NR5A2: variants seen among roughly 807,000 people sequenced by gnomAD.
NR5A2 encodes nuclear receptor subfamily 5 group A member 2.
Under a neutral mutation model 62.7 loss-of-function variants are expected in NR5A2, and 26 were observed. The ratio of observed to expected loss-of-function variants is 0.41; its 90% CI spans 0.30 to 0.58. The LOEUF is 0.58. Among genes scored for constraint, NR5A2 ranks in the 20% least tolerant of loss-of-function variants. The pLI, the probability that NR5A2 is intolerant of heterozygous loss-of-function variation, is 0.22. For synonymous variants in NR5A2, 246 were observed against 241.7 expected (o/e 1.02, Z -0.16); for missense variants, 541 against 669.1 (o/e 0.81, Z 2.11).
chr1:200,055,915 T>G (rs1404317299), intron 5 of NR5A2, among the ~76,000 whole-genome samples: 1 of 152,048 alleles, frequency 6.6e-6, no homozygotes, highest in Non-Finnish European at 1.5e-5. Context: ...ATAAAACTGG[T>G]TTTTCTTCCG....
At chr1:200,131,595 C>T (rs189005901) in intron 7 of NR5A2, among the ~76,000 whole-genome samples, 1 of 152,328 alleles carries the variant, frequency 6.6e-6, no homozygotes, top group Admixed American at 6.5e-5. Flanking sequence ...ATGTTTCTCG[C>T]TGCTTTAGCT....
At chr1:200,145,971 C>T (rs1416696148) in intron 7 of NR5A2, among the ~76,000 whole-genome samples, 1 of 152,074 alleles carries the variant, frequency 6.6e-6, no homozygotes, top group Non-Finnish European at 1.5e-5. Flanking sequence ...AGATTCATTA[C>T]CAAATACAAT....
chr1:200,072,535 T>C (rs761268545), intron 5 of NR5A2, among the ~76,000 whole-genome samples: 1 of 152,186 alleles, frequency 6.6e-6, no homozygotes, highest in South Asian at 2.1e-4. Flanking sequence ...CTACCCACCA[T>C]TGAAATCTGT....
At chr1:200,104,090 G>A (rs996783733) in intron 5 of NR5A2, among the ~76,000 whole-genome samples, 5 of 152,204 alleles carry the variant, frequency 3.3e-5, no homozygotes, top group African/African-American at 4.8e-5. Flanking sequence ...AAAGGGGCCA[G>A]CATAGCTCAG....
intron 7 of NR5A2, among the ~76,000 whole-genome samples, chr1:200,129,459 C>G (rs1369049786): frequency 2.6e-5 from 4 of 152,210 alleles, no homozygotes; most frequent in Non-Finnish European, 5.9e-5. Flanking sequence ...ATCAGAACGT[C>G]TTTCTCCTTG....
At chr1:200,075,495 T>C (rs1471900762) in intron 5 of NR5A2, among the ~76,000 whole-genome samples, 1 of 152,246 alleles carries the variant, frequency 6.6e-6, no homozygotes, top group Admixed American at 6.5e-5. Context: ...ATTTGGAGCA[T>C]GCAAATAGTT....
rs1654360165 is a variant in NR5A2, at chr1:200,175,112, T to C, written c.*902T>C. The stretch of plus-strand genomic sequence containing the variant: ...TTTCTGGCAGGAAGTCTTGTTAGTA[T>C]ACATCAGTCTTTTTCATCATCCAAG... On this transcript the variant is annotated 3_prime_UTR_variant, in exon 8 of 8. Transcript: ENST00000367362. 6.5e-6 allele frequency: 1 copy of C among 152,692 alleles called. No homozygotes were observed. Among genetic ancestry groups the C allele is most frequent in the Non-Finnish European group, 1.5e-5 (1 of 68,052 alleles). The allele number at this position is 152,692 out of a possible 1,614,324, so 9.5% of individuals were successfully genotyped here.
intron 6 of NR5A2, among the ~76,000 whole-genome samples, chr1:200,113,943 G>T (rs965268857): frequency 6.6e-5 from 10 of 152,204 alleles, no homozygotes; most frequent in African/African-American, 2.2e-4. Flanking sequence ...CGCTTTGGGA[G>T]GCTGAGGCGG....
intron 5 of NR5A2, chr1:200,057,435 T>C (rs539176101): frequency 1.2e-5 from 3 of 243,604 alleles, no homozygotes; most frequent in African/African-American, 7.1e-5. Flanking sequence ...TAATGACTCA[T>C]AGAGATGTCA....
At chr1:200,055,911 C>T (rs945795382) in intron 5 of NR5A2, among the ~76,000 whole-genome samples, 1 of 152,128 alleles carries the variant, frequency 6.6e-6, no homozygotes, top group African/African-American at 2.4e-5. Context: ...AATGATAAAA[C>T]TGGTTTTTCT....
In NR5A2 at chr1:200,094,274, CA is replaced by C. The variant is rs530062630; in HGVS notation, c.1111-16926del. On this transcript the variant is annotated intron_variant, in intron 5 of 7. Coordinates refer to ENST00000367362, the MANE Select transcript of NR5A2 (RefSeq NM_205860.3). Reference sequence around the variant, plus strand: ...ATCTCTGTTCACTGCAACCTTTAAGCAAGGGGTTTAAGTGAGTCTCGTGTCT... The same window carrying C: ...ATCTCTGTTCACTGCAACCTTTAAGCAGGGGTTTAAGTGAGTCTCGTGTCT... 5.6e-3 allele frequency among the ~76,000 whole-genome samples: 839 copies of C among 149,766 alleles called. 5 individuals are homozygous for C. Among genetic ancestry groups the C allele is most frequent in the Non-Finnish European group, 9.3e-3 (627 of 67,438 alleles).
rs1259082598 is a variant in NR5A2 at position 200,174,738 on chromosome 1, C to G, written c.*528C>G. The G allele has an allele frequency of 6.5e-6, 1 of 152,690 alleles. No homozygotes were observed. The highest frequency in any genetic ancestry group is 1.5e-5 in the Non-Finnish European group (1 of 68,126). The allele number at this position is 152,690 out of a possible 1,614,324, so 9.5% of individuals were successfully genotyped here. ...CCCCAGCACCTCTGCCCTGTGGTCA[C>G]CGAATCTGTACTAAGGACCTGTGTT... is the stretch of plus-strand genomic sequence containing the variant. On this transcript the variant is annotated 3_prime_UTR_variant, in exon 8 of 8. Transcript: ENST00000367362.
chr1:200,051,094 T>C (rs1220098510), intron 5 of NR5A2, among the ~76,000 whole-genome samples: 1 of 152,156 alleles, frequency 6.6e-6, no homozygotes, highest in East Asian at 1.9e-4. Context: ...ATTAAGGACC[T>C]AAAATTGGCC....
intron 7 of NR5A2, among the ~76,000 whole-genome samples, chr1:200,127,265 C>T (rs1156965634): frequency 6.6e-6 from 1 of 152,118 alleles, no homozygotes; most frequent in African/African-American, 2.4e-5. Flanking sequence ...GTAAAGAAGA[C>T]CTTTGAAGAC....
rs1661966167 is a variant in NR5A2, at chr1:200,039,712, TC to T, written c.120del (p.Met41CysfsTer34). ...GSPIPARGRLVMLPKVETEAL... is the reference protein window; with the variant it reads ...GSPIPARGRLXMLPKVETEAL... ...CCCATCCCCGCCCGCGGTCGCCTTG[TC>T]ATGCTGCCCAAAGTGGAGACGGAAG... On this transcript the variant is annotated frameshift_variant, in exon 2 of 8. Coordinates refer to ENST00000367362, the MANE Select transcript of NR5A2 (RefSeq NM_205860.3). LOFTEE classifies it high-confidence loss of function. This position sits in a 1 kb window ranked among gnomAD's most constrained non-coding sequence, Gnocchi z 5.1. 2 of 1,612,024 alleles carry T rather than the reference TC, an allele frequency of 1.2e-6. No homozygotes were observed. The highest frequency in any genetic ancestry group is 1.7e-6 in the Non-Finnish European group (2 of 1,179,108).
At chr1:200,065,263 CTT>C (rs1051246862) in intron 5 of NR5A2, among the ~76,000 whole-genome samples, 1 of 152,114 alleles carries the variant, frequency 6.6e-6, no homozygotes, top group African/African-American at 2.4e-5. Flanking sequence ...CTAGCCTCAG[CTT>C]CCTGAGAAGC....
In NR5A2 at chr1:200,120,893, G is replaced by A. The variant is rs1182541887; in HGVS notation, c.1316G>A (p.Arg439His). The A allele has an allele frequency of 8.7e-6, 14 of 1,612,742 alleles. No individual in the cohort carries two copies. In the East Asian group the frequency reaches 1.1e-4, roughly 13 times the overall value. The part of the protein sequence containing the change: ...SHAQELVAKL[R>H]SLQFDQREFV... ...GCACAGGAGTTAGTGGCAAAACTTC[G>A]TTCTCTCCAGTTTGATCAACGAGAG... is the stretch of plus-strand genomic sequence containing the variant. Residue 439 changes from arginine (R) to histidine (H), a missense_variant, in exon 7 of 8, where the codon CGT becomes CAT. Arg to His is a conservative substitution (Grantham distance 29). This residue lies in a region of NR5A2 where 379 missense variants were observed against 442.0 expected (regional missense o/e 0.86). Transcript: ENST00000367362.
At chr1:200,049,154 G>A (rs754392898) in intron 5 of NR5A2, among the ~76,000 whole-genome samples, 2 of 152,022 alleles carry the variant, frequency 1.3e-5, no homozygotes, top group Admixed American at 6.6e-5. Flanking sequence ...GTGAAATAGC[G>A]CCTAGTAAAC....
intron 7 of NR5A2, among the ~76,000 whole-genome samples, chr1:200,140,484 T>G (rs1383971370): frequency 1.3e-5 from 2 of 152,252 alleles, no homozygotes; most frequent in Non-Finnish European, 2.9e-5. Flanking sequence ...CCCATTCTCC[T>G]TGTTTTCTCC....
Sources: allele counts gnomAD v4.1 joint callset (sites outside exome capture counted in the v4.1 genomes callset), GRCh38; gene constraint gnomAD v4.1.1; regional missense constraint gnomAD v4.1.1; non-coding constraint Gnocchi (gnomAD v3.1); transcripts MANE v1.5; gene names NCBI Gene and HGNC (gene_info 2026-07-23, HGNC 2026-07-21).